The following LOXL2 variants were observed in gnomAD, a reference collection of about 807,000 sequenced individuals.
LOXL2 encodes lysyl oxidase homolog 2.
In LOXL2, 70 loss-of-function variants were observed where a neutral mutation model predicts 93.0. The ratio of observed to expected loss-of-function variants is 0.75; its 90% CI spans 0.62 to 0.92. The LOEUF is 0.92. LOXL2 is among the 40% of genes least tolerant of loss of function. The pLI, the probability that LOXL2 is intolerant of heterozygous loss-of-function variation, is 0.00. For synonymous variants in LOXL2, 438 were observed against 413.2 expected (o/e 1.06, Z -0.73); for missense variants, 973 against 1,054.9 (o/e 0.92, Z 1.08).
Position 23,303,347 on chromosome 8 carries a change from T to C in LOXL2, c.1931A>G (p.Asn644Ser), listed in dbSNP as rs774165042. The C allele has an allele frequency of 5.6e-6, 9 of 1,613,560 alleles. No individual in the cohort carries two copies. Among genetic ancestry groups the C allele is most frequent in the East Asian group, 4.5e-5 (2 of 44,838 alleles). Residue 644 changes from asparagine to serine, a missense_variant, in exon 11 of 14, where the codon AAT becomes AGT. Physicochemically the swap from Asn to Ser is conservative, Grantham distance 46. Transcript: ENST00000389131. ...VFTHYDLLNLNGTKVAEGHKA... is the reference protein window; with the variant it reads ...VFTHYDLLNLSGTKVAEGHKA... ...GTGGCCCTCTGCCACCTTGGTGCCA[T>C]TGAGGTTCAGCAGGTCATAGTGGGT...
intron 3 of LOXL2, among the ~76,000 whole-genome samples, chr8:23,346,173 T>TAATA (rs1803979163): frequency 9.4e-6 from 1 of 106,930 alleles, no homozygotes; most frequent in Admixed American, 9.4e-5. Context: ...TAAAATAAAA[T>TAATA]AAATAAAATA....
chr8:23,362,844 G>A (rs376031192), intron 2 of LOXL2, among the ~76,000 whole-genome samples: 83 of 152,172 alleles, frequency 5.5e-4, no homozygotes, highest in African/African-American at 1.9e-3. Flanking sequence ...ATTTTTATAA[G>A]TGCCACTGCA....
In LOXL2 at chr8:23,297,987, A is replaced by C. The variant is rs938311974; in HGVS notation, c.*56T>G. On this transcript the variant is annotated 3_prime_UTR_variant, in exon 14 of 14. Transcript: ENST00000389131. ...CGTTCAGACTCAGTTGTTGGGGGGA[A>C]GTCCCATGGAAGATGTGGTGTGGCC... is the stretch of plus-strand genomic sequence containing the variant. 4.9e-6 allele frequency: 7 copies of C among 1,437,146 alleles called. No individual in the cohort carries two copies. Among genetic ancestry groups the C allele is most frequent in the Admixed American group, 3.5e-5 (2 of 56,756 alleles). 89.0% of individuals were successfully genotyped at this position (1,437,146 alleles called of 1,614,324 possible). A position where few individuals can be genotyped will look rare whatever the true frequency, so the allele number is the denominator to read the frequency against.
chr8:23,399,443 G>A (rs1800131033), intron 1 of LOXL2, among the ~76,000 whole-genome samples: 2 of 152,196 alleles, frequency 1.3e-5, no homozygotes, highest in Admixed American at 1.3e-4. Flanking sequence ...CTCATAAACT[G>A]ATGAATCCAT....
chr8:23,314,743 T>C (rs1248292139), intron 9 of LOXL2, among the ~76,000 whole-genome samples: 8 of 151,262 alleles, frequency 5.3e-5, no homozygotes, highest in East Asian at 1.9e-4. Context: ...TGTATACATA[T>C]GTAAATAACC....
chr8:23,347,054 C>T (rs531966375), intron 3 of LOXL2, among the ~76,000 whole-genome samples: 1 of 152,154 alleles, frequency 6.6e-6, no homozygotes, highest in Non-Finnish European at 1.5e-5. Context: ...CATGGTGACT[C>T]ACGCCTCTAA....
chr8:23,342,088 G>C (rs971956181), intron 3 of LOXL2, among the ~76,000 whole-genome samples: 5 of 152,188 alleles, frequency 3.3e-5, no homozygotes, highest in Non-Finnish European at 7.3e-5. Context: ...GAGGGGCATG[G>C]GCGAGAGGAA....
intron 3 of LOXL2, among the ~76,000 whole-genome samples, chr8:23,356,363 G>T (rs1279270370): frequency 6.6e-6 from 1 of 152,194 alleles, no homozygotes; most frequent in African/African-American, 2.4e-5. Flanking sequence ...TTAGCTGGGA[G>T]GAATGATCCT....
chr8:23,334,928 T>C (rs1803765975), intron 4 of LOXL2, among the ~76,000 whole-genome samples: 1 of 151,784 alleles, frequency 6.6e-6, no homozygotes, highest in Admixed American at 6.6e-5. Context: ...GGAATTCTCC[T>C]GCTTCAGCCT....
intron 1 of LOXL2, among the ~76,000 whole-genome samples, chr8:23,384,891 GTGAAAC>G (rs1184645928): frequency 6.6e-6 from 1 of 152,192 alleles, no homozygotes; most frequent in Admixed American, 6.5e-5. Context: ...TCCAGACGGA[GTGAAAC>G]TCCGTCTCAA....
chr8:23,316,808 C>T (rs949280097), intron 9 of LOXL2, 141 bp downstream of exon 9: 9 of 843,428 alleles, frequency 1.1e-5, no homozygotes, highest in Non-Finnish European at 1.4e-5. Context: ...TCTCTTGCCC[C>T]CAGTTTTTCT....
At chr8:23,332,398 ACT>A (rs1436585507) in intron 5 of LOXL2, among the ~76,000 whole-genome samples, 15 of 107,126 alleles carry the variant, frequency 1.4e-4, no homozygotes, top group Non-Finnish European at 2.0e-4. Flanking sequence ...ATACACACAC[ACT>A]CATACACACA....
chr8:23,299,826 G>A (rs1803099437), intron 12 of LOXL2, among the ~76,000 whole-genome samples: 2 of 152,228 alleles, frequency 1.3e-5, no homozygotes, highest in Admixed American at 6.5e-5. Flanking sequence ...GCCTGGACAC[G>A]AACCTTTAGC....
At chr8:23,325,985 C>T (rs1030394979) in intron 6 of LOXL2, among the ~76,000 whole-genome samples, 1 of 152,218 alleles carries the variant, frequency 6.6e-6, no homozygotes, top group Non-Finnish European at 1.5e-5. Context: ...GGTCACCAAG[C>T]AAGCAGGTGG....
intron 2 of LOXL2, among the ~76,000 whole-genome samples, chr8:23,361,269 G>T (rs1585370373): frequency 6.6e-6 from 1 of 152,200 alleles, no homozygotes; most frequent in Non-Finnish European, 1.5e-5. Flanking sequence ...AGGACGAAGT[G>T]GCATGATTAT....
chr8:23,403,472 C>G (rs991040938), intron 1 of LOXL2, among the ~76,000 whole-genome samples: 4 of 152,256 alleles, frequency 2.6e-5, no homozygotes, highest in East Asian at 3.9e-4. Context: ...TCCCCGCCCC[C>G]ACTCCGTCCC....
At chr8:23,359,312 G>A (rs1043084454) in intron 3 of LOXL2, among the ~76,000 whole-genome samples, 3 of 152,200 alleles carry the variant, frequency 2.0e-5, no homozygotes, top group African/African-American at 7.2e-5. Context: ...GAATACAGCA[G>A]AAATGATGGC....
At chr8:23,356,411 A>G (rs1015925293) in intron 3 of LOXL2, among the ~76,000 whole-genome samples, 1 of 152,194 alleles carries the variant, frequency 6.6e-6, no homozygotes, top group Admixed American at 6.5e-5. Flanking sequence ...TCCAGAAGGT[A>G]TTTTGGAGAA....
intron 3 of LOXL2, among the ~76,000 whole-genome samples, chr8:23,352,020 C>A (rs1804102187): frequency 6.6e-6 from 1 of 151,312 alleles, no homozygotes; most frequent in African/African-American, 2.5e-5. Context: ...GTCACGTTGG[C>A]CAGGCTGGTC....
Sources: gnomAD v4.1 joint callset for allele counts (sites outside exome capture counted in the v4.1 genomes callset) on GRCh38, gnomAD v4.1.1 for gene constraint, MANE v1.5 for transcripts, NCBI Gene and HGNC (gene_info 2026-07-23, HGNC 2026-07-21) for gene names.